SLC16A2: variants seen among roughly 807,000 people sequenced by gnomAD.
SLC16A2 encodes monocarboxylate transporter 8.
SLC16A2 carries 3 observed loss-of-function variants against 27.2 expected under a neutral mutation model. The ratio of observed to expected loss-of-function variants is 0.11; its 90% CI spans 0.05 to 0.28. SLC16A2 has a LOEUF of 0.28. SLC16A2 is among the 10% of genes least tolerant of loss of function. SLC16A2 has a pLI of 1.00. For missense variants in SLC16A2, 295 were observed against 458.5 expected, an observed-to-expected ratio of 0.64 and a Z score of 3.26; for synonymous variants, 202 against 187.8, an observed-to-expected ratio of 1.08 and a Z score of -0.62.
intron 1 of SLC16A2, among the ~76,000 whole-genome samples, chrX:74,462,344 G>T (rs1929165639): frequency 9.0e-6 from 1 of 111,518 alleles, no homozygotes; most frequent in Admixed American, 9.5e-5. Context: ...TTTTGAGATG[G>T]AGTCTCGCCC....
chrX:74,462,323 T>C (rs1259296839), intron 1 of SLC16A2, among the ~76,000 whole-genome samples: 1 of 111,534 alleles, frequency 9.0e-6, no homozygotes, highest in Non-Finnish European at 1.9e-5. Context: ...GTTTGGTGTT[T>C]GTTTGTTTGT....
intron 1 of SLC16A2, among the ~76,000 whole-genome samples, chrX:74,464,409 T>C (rs1349558192): frequency 8.9e-6 from 1 of 112,109 alleles, no homozygotes; most frequent in Non-Finnish European, 1.9e-5. Context: ...TCCTTTGATG[T>C]TATTACACAT....
At chrX:74,466,882 T>C (rs2147850818) in intron 1 of SLC16A2, among the ~76,000 whole-genome samples, 1 of 112,790 alleles carries the variant, frequency 8.9e-6, no homozygotes, top group East Asian at 2.8e-4. Flanking sequence ...GATGTGGCCC[T>C]AGAGAGGTTT....
At chrX:74,473,020 A>G (rs1197852224) in intron 1 of SLC16A2, 6 of 506,073 alleles carry the variant, frequency 1.2e-5, no homozygotes, top group Non-Finnish European at 2.1e-5. Context: ...CCTAATTAAA[A>G]TCTTCTGCCA....
At chrX:74,456,178 G>A (rs1290099216) in intron 1 of SLC16A2, among the ~76,000 whole-genome samples, 1 of 112,002 alleles carries the variant, frequency 8.9e-6, no homozygotes, top group Non-Finnish European at 1.9e-5. Flanking sequence ...GCACTGGCTG[G>A]GGAAAAGAAA....
At chrX:74,436,024 G>A (rs1928626273) in intron 1 of SLC16A2, among the ~76,000 whole-genome samples, 3 of 111,534 alleles carry the variant, frequency 2.7e-5, no homozygotes, top group Non-Finnish European at 5.6e-5. Flanking sequence ...GGGGCTGAGG[G>A]TGATGGAGAG....
At chrX:74,457,691 G>A (rs1001273494) in intron 1 of SLC16A2, among the ~76,000 whole-genome samples, 1 of 111,529 alleles carries the variant, frequency 9.0e-6, no homozygotes, top group Non-Finnish European at 1.9e-5. Flanking sequence ...ACACACACAA[G>A]GAATGTCTCT....
intron 1 of SLC16A2, among the ~76,000 whole-genome samples, chrX:74,509,149 G>C (rs1431951196): frequency 9.1e-6 from 1 of 110,314 alleles, no homozygotes; most frequent in Non-Finnish European, 1.9e-5. Flanking sequence ...TTTTTGTAGA[G>C]AGTGGGGTCT....
rs760679445 is a variant in SLC16A2, at chrX:74,524,325, C to A, written c.576-34C>A. On this transcript the variant is annotated intron_variant, in intron 2 of 5. Coordinates refer to ENST00000587091, the MANE Select transcript of SLC16A2 (RefSeq NM_006517.5). ...GAGGGCAGGTAGATTGCTGGTCAGGCTGCTGAGGACAGCTCTTGGTATTTC... is the reference window on the plus strand; with the variant it reads ...GAGGGCAGGTAGATTGCTGGTCAGGATGCTGAGGACAGCTCTTGGTATTTC... 1.6e-5 allele frequency: 19 copies of A among 1,194,329 alleles called. No homozygotes were observed. The South Asian group carries it at 3.0e-4, about 19-fold the overall frequency.
rs1477343232 is a variant in SLC16A2, at chrX:74,531,797, C to T, written c.*244C>T. ...CCAGGATCTGGGAAAGCTTGGGAAC[C>T]ACCCCTGGCCTTTGGAACCTCTCCA... On this transcript the variant is annotated 3_prime_UTR_variant, in exon 6 of 6. Transcript: ENST00000587091. The T allele has an allele frequency of 2.3e-6, 1 of 433,134 alleles. No individual in the cohort carries two copies. The highest frequency in any genetic ancestry group is 4.0e-6 in the Non-Finnish European group (1 of 247,431). The allele number at this position is 433,134 out of a possible 1,213,427, so 35.7% of individuals were successfully genotyped here.
intron 4 of SLC16A2, among the ~76,000 whole-genome samples, chrX:74,526,252 C>A (rs368805527): frequency 8.9e-6 from 1 of 112,068 alleles, no homozygotes; most frequent in African/African-American, 3.3e-5. Flanking sequence ...ATCTACCTGG[C>A]AGCAGTATTG....
At chrX:74,462,949 G>A (rs762723479) in intron 1 of SLC16A2, among the ~76,000 whole-genome samples, 10 of 112,048 alleles carry the variant, frequency 8.9e-5, no homozygotes, top group Non-Finnish European at 1.5e-4. Flanking sequence ...CTTCTTTCTT[G>A]TGAGACCACA....
intron 1 of SLC16A2, among the ~76,000 whole-genome samples, chrX:74,435,554 T>TATGTATA (rs1491092189): frequency 1.3e-5 from 1 of 76,249 alleles, no homozygotes; most frequent in African/African-American, 6.2e-5. Flanking sequence ...TATATATATA[T>TATGTATA]TTTTTTTTTT....
intron 4 of SLC16A2, among the ~76,000 whole-genome samples, chrX:74,526,105 T>G (rs955297860): frequency 1.8e-5 from 2 of 112,236 alleles, no homozygotes; most frequent in Non-Finnish European, 3.8e-5. Flanking sequence ...GTGAGAGCAG[T>G]GTATATGGAA....
chrX:74,485,454 A>C (rs148492965), intron 1 of SLC16A2, among the ~76,000 whole-genome samples: 1,285 of 110,078 alleles, frequency 0.012, 9 homozygotes, highest in Middle Eastern at 0.033. Context: ...TATACTCAGA[A>C]GGCCTTGTCA....
intron 1 of SLC16A2, among the ~76,000 whole-genome samples, chrX:74,508,009 C>T (rs773569460): frequency 6.3e-5 from 7 of 111,975 alleles, no homozygotes; most frequent in Non-Finnish European, 3.8e-5. Context: ...GGATAAATAT[C>T]TAGCAGTGGG....
At chrX:74,478,680 G>T (rs1929542945) in intron 1 of SLC16A2, among the ~76,000 whole-genome samples, 1 of 110,966 alleles carries the variant, frequency 9.0e-6, no homozygotes, top group Non-Finnish European at 1.9e-5. Context: ...CAGGCCTGGT[G>T]GTGACAAAAT....
At chrX:74,436,994 C>T (rs906336940) in intron 1 of SLC16A2, among the ~76,000 whole-genome samples, 1 of 112,399 alleles carries the variant, frequency 8.9e-6, no homozygotes, top group African/African-American at 3.2e-5. Flanking sequence ...CTGTACTGGC[C>T]ACGCCAGCCT....
chrX:74,465,367 GTCCTTGAGAATGAACTA>G (rs1362126448), intron 1 of SLC16A2, among the ~76,000 whole-genome samples: 1 of 110,851 alleles, frequency 9.0e-6, no homozygotes, highest in African/African-American at 3.3e-5. Flanking sequence ...TCCTGCAGGT[GTCCTTGAGAATGAACTA>G]TGGCAGAGAA....
Sources: allele counts gnomAD v4.1 joint callset (sites outside exome capture counted in the v4.1 genomes callset), GRCh38; gene constraint gnomAD v4.1.1; transcripts MANE v1.5; gene names NCBI Gene and HGNC (gene_info 2026-07-23, HGNC 2026-07-21).